The following PAK5 variants were observed in gnomAD, a reference collection of about 807,000 sequenced individuals.
PAK5 encodes serine/threonine-protein kinase PAK 5.
In PAK5, 16 loss-of-function variants were observed where a neutral mutation model predicts 65.9. That is an observed-to-expected ratio of 0.24 (90% CI 0.16 to 0.37). The LOEUF is 0.37. Ranked by LOEUF, PAK5 falls within the 10% of genes least tolerant of loss-of-function variation. PAK5 has a pLI of 1.00. For synonymous variants in PAK5, 371 were observed against 354.9 expected, an observed-to-expected ratio of 1.05 and a Z score of -0.51; for missense variants, 785 against 903.9, an observed-to-expected ratio of 0.87 and a Z score of 1.69.
intron 1 of PAK5, among the ~76,000 whole-genome samples, chr20:9,837,699 A>C (rs1229920651): frequency 6.6e-6 from 1 of 152,186 alleles, no homozygotes; most frequent in Non-Finnish European, 1.5e-5. Flanking sequence ...TTGCACTAGA[A>C]GATTTTTGTG....
chr20:9,700,926 G>A (rs73895949), intron 2 of PAK5, among the ~76,000 whole-genome samples: 2,696 of 152,152 alleles, frequency 0.018, 84 homozygotes, highest in African/African-American at 0.062. Context: ...AAAATTAGGA[G>A]GTTTTATATT....
At chr20:9,720,640 A>C (rs937771634) in intron 1 of PAK5, among the ~76,000 whole-genome samples, 1 of 152,192 alleles carries the variant, frequency 6.6e-6, no homozygotes, top group Non-Finnish European at 1.5e-5. Flanking sequence ...CACTGAACAG[A>C]AATGTAGTAT....
chr20:9,749,244 G>C (rs1224666304), intron 1 of PAK5, among the ~76,000 whole-genome samples: 2 of 152,008 alleles, frequency 1.3e-5, no homozygotes. Flanking sequence ...TATCCATTGA[G>C]AGCTACCAAC....
intron 1 of PAK5, among the ~76,000 whole-genome samples, chr20:9,817,903 T>C (rs190850225): frequency 4.5e-4 from 69 of 152,342 alleles, no homozygotes; most frequent in Non-Finnish European, 8.2e-4. Context: ...TCTCTGGCAG[T>C]GGGACTTTCT....
chr20:9,685,385 A>C (rs1377890826), intron 2 of PAK5, among the ~76,000 whole-genome samples: 5 of 152,214 alleles, frequency 3.3e-5, no homozygotes, highest in African/African-American at 4.8e-5. Flanking sequence ...GCCTTGATCC[A>C]ATATGTCTGG....
intron 1 of PAK5, among the ~76,000 whole-genome samples, chr20:9,737,592 G>A (rs1384902562): frequency 6.6e-6 from 1 of 151,966 alleles, no homozygotes; most frequent in Non-Finnish European, 1.5e-5. Context: ...CAGAGAAAAT[G>A]TTTTAATTGC....
At chr20:9,774,578 G>A (rs1240506535) in intron 1 of PAK5, among the ~76,000 whole-genome samples, 1 of 152,082 alleles carries the variant, frequency 6.6e-6, no homozygotes, top group African/African-American at 2.4e-5. Context: ...ATTCATGATA[G>A]CTAAAAATTG....
At chr20:9,604,355 C>A (rs2046413689) in intron 3 of PAK5, among the ~76,000 whole-genome samples, 1 of 152,224 alleles carries the variant, frequency 6.6e-6, no homozygotes, top group Admixed American at 6.5e-5. Flanking sequence ...TGCCACTGGA[C>A]CCTCTCCCCT....
At chr20:9,713,941 G>A (rs2048109687) in intron 1 of PAK5, among the ~76,000 whole-genome samples, 2 of 151,962 alleles carry the variant, frequency 1.3e-5, no homozygotes, top group Admixed American at 1.3e-4. Context: ...TAATATTTGG[G>A]AGTGCCATAG....
In PAK5 at chr20:9,542,651, G is replaced by A. The variant is rs575633716; in HGVS notation, c.1939C>T (p.Pro647Ser). 5.0e-6 allele frequency: 8 copies of A among 1,613,764 alleles called. No individual in the cohort carries two copies. The South Asian group carries it at 8.8e-5, about 18-fold the overall frequency. Reference protein sequence around the residue: ...IDGEPPYFNEPPLQAMRRIRD... With the variant: ...IDGEPPYFNESPLQAMRRIRD... The stretch of plus-strand genomic sequence containing the variant: ...ATCCTCCGCATCGCCTGGAGGGGAG[G>A]CTCATTGAAGTAGGGGGGCTCGCCA... The change falls in exon 9 of 10, where the codon CCT (proline) becomes TCT (serine). Residue 647 changes from proline (P) to serine (S), a missense_variant. Pro to Ser is a moderately conservative substitution (Grantham distance 74). Coordinates refer to ENST00000353224, the MANE Select transcript of PAK5 (RefSeq NM_177990.4).
intron 5 of PAK5, among the ~76,000 whole-genome samples, chr20:9,565,169 GTTAATA>G (rs1328630804): frequency 6.6e-6 from 1 of 151,814 alleles, no homozygotes; most frequent in Admixed American, 6.6e-5. Context: ...TAGTATTCAT[GTTAATA>G]TTAATTGAAA....
rs138924949 is a variant in PAK5 at position 9,694,243 on chromosome 20, C to T, written c.-12+17043G>A. Reference sequence around the variant, plus strand: ...GCAAACTAGAGTTTTAAGTATAAAACGAAAGTCTATATTATTTTTAAATTT... The same window carrying T: ...GCAAACTAGAGTTTTAAGTATAAAATGAAAGTCTATATTATTTTTAAATTT... On this transcript the variant is annotated intron_variant, in intron 2 of 9. Coordinates refer to ENST00000353224, the MANE Select transcript of PAK5 (RefSeq NM_177990.4). Among the ~76,000 whole-genome samples the T allele has an allele frequency of 2.0e-4, 30 of 151,276 alleles. No homozygotes were observed. The East Asian group carries it at 3.7e-3, about 19-fold the overall frequency.
chr20:9,618,312 T>C (rs1189782924), intron 3 of PAK5, among the ~76,000 whole-genome samples: 1 of 152,114 alleles, frequency 6.6e-6, no homozygotes, highest in Non-Finnish European at 1.5e-5. Flanking sequence ...CTCCACTCCA[T>C]GTGGCTACAG....
At chr20:9,665,404 A>G (rs2047403619) in intron 2 of PAK5, among the ~76,000 whole-genome samples, 1 of 151,764 alleles carries the variant, frequency 6.6e-6, no homozygotes, top group Non-Finnish European at 1.5e-5. Context: ...TAATTTTCAA[A>G]CTCCCTTGCT....
At chr20:9,765,228 G>T (rs2048743924) in intron 1 of PAK5, among the ~76,000 whole-genome samples, 1 of 152,134 alleles carries the variant, frequency 6.6e-6, no homozygotes, top group Admixed American at 6.6e-5. Context: ...TGAAATGCTA[G>T]AATTTGGGGA....
At chr20:9,708,109 C>A (rs1163481098) in intron 2 of PAK5, among the ~76,000 whole-genome samples, 1 of 152,158 alleles carries the variant, frequency 6.6e-6, no homozygotes, top group African/African-American at 2.4e-5. Context: ...GGAACAGGAG[C>A]AATTTTTGTT....
intron 1 of PAK5, among the ~76,000 whole-genome samples, chr20:9,763,494 A>G (rs2048722911): frequency 6.6e-6 from 1 of 152,164 alleles, no homozygotes; most frequent in South Asian, 2.1e-4. Flanking sequence ...TGATACAGAC[A>G]CATATCAAAA....
At chr20:9,700,181 G>A (rs2047922011) in intron 2 of PAK5, among the ~76,000 whole-genome samples, 1 of 152,146 alleles carries the variant, frequency 6.6e-6, no homozygotes, top group Non-Finnish European at 1.5e-5. Flanking sequence ...GGAGGCTGAG[G>A]TGGGAGGACA....
intron 1 of PAK5, among the ~76,000 whole-genome samples, chr20:9,828,756 T>C (rs1569104564): frequency 6.6e-6 from 1 of 152,234 alleles, no homozygotes; most frequent in Non-Finnish European, 1.5e-5. Flanking sequence ...ACTTGAATTT[T>C]AATTGGAAAT....
Sources: gnomAD v4.1 joint callset for allele counts (sites outside exome capture counted in the v4.1 genomes callset) on GRCh38, gnomAD v4.1.1 for gene constraint, MANE v1.5 for transcripts, NCBI Gene and HGNC (gene_info 2026-07-23, HGNC 2026-07-21) for gene names.